TMCO4: variants seen among roughly 807,000 people sequenced by gnomAD.
The protein encoded by TMCO4 is transmembrane and coiled-coil domain-containing protein 4.
Under a neutral mutation model 64.7 loss-of-function variants are expected in TMCO4, and 58 were observed. The ratio of observed to expected loss-of-function variants is 0.90; its 90% CI spans 0.73 to 1.12. The LOEUF (loss-of-function observed/expected upper bound fraction) is 1.12, where lower values mean the gene tolerates loss of function less well. Among genes scored for constraint, TMCO4 ranks in the 50% most tolerant of loss-of-function variants. The probability of loss-of-function intolerance (pLI) is 0.00; values close to 1 mark genes in which losing one functional copy is unlikely to be tolerated. For missense variants in TMCO4, 780 were observed against 825.9 expected, an observed-to-expected ratio of 0.94 and a Z score of 0.68; for synonymous variants, 325 against 346.1, an observed-to-expected ratio of 0.94 and a Z score of 0.68.
chr1:19,687,742 T>C (rs2095160866), intron 15 of TMCO4, among the ~76,000 whole-genome samples: 1 of 152,210 alleles, frequency 6.6e-6, no homozygotes, highest in Non-Finnish European at 1.5e-5. Flanking sequence ...GTGCCAGTGC[T>C]GGGTAGAAAC....
intron 6 of TMCO4, among the ~76,000 whole-genome samples, chr1:19,759,174 C>T (rs2042393667): frequency 6.7e-6 from 1 of 150,124 alleles, no homozygotes; most frequent in Non-Finnish European, 1.5e-5. Context: ...CTGGGCATTG[C>T]TCTTAGTTCT....
chr1:19,738,987 ACAAGGT>A (rs2095467813), intron 12 of TMCO4, among the ~76,000 whole-genome samples: 1 of 152,220 alleles, frequency 6.6e-6, no homozygotes, highest in Non-Finnish European at 1.5e-5. Context: ...CATCTTTGAT[ACAAGGT>A]CAAGACCCCA....
chr1:19,695,629 C>T (rs184997960), intron 14 of TMCO4, among the ~76,000 whole-genome samples: 2 of 152,292 alleles, frequency 1.3e-5, no homozygotes, highest in East Asian at 3.9e-4. Flanking sequence ...TGTCTATGTG[C>T]CCTGCTGTGT....
chr1:19,709,773 C>T (rs1369819244), intron 13 of TMCO4, among the ~76,000 whole-genome samples: 9 of 149,246 alleles, frequency 6.0e-5, no homozygotes, highest in South Asian at 2.1e-4. Context: ...CTCTGGAATT[C>T]TATTTTTTTT....
intron 7 of TMCO4, 65 bp downstream of exon 7, chr1:19,755,569 T>A (rs2042209440): frequency 6.3e-7 from 1 of 1,599,004 alleles, no homozygotes; most frequent in Admixed American, 1.7e-5. Context: ...GGGGACTCTG[T>A]TATCTGCAAA....
At chr1:19,741,883 C>A (rs1170646492) in intron 10 of TMCO4, among the ~76,000 whole-genome samples, 1 of 151,702 alleles carries the variant, frequency 6.6e-6, no homozygotes, top group Non-Finnish European at 1.5e-5. Context: ...ATTACAGGCA[C>A]CCACCACCAA....
At chr1:19,693,024 T>C (rs2095208954) in intron 15 of TMCO4, among the ~76,000 whole-genome samples, 1 of 150,586 alleles carries the variant, frequency 6.6e-6, no homozygotes, top group Non-Finnish European at 1.5e-5. Context: ...CTACAAAAAA[T>C]TAGCTAGATG....
At chr1:19,760,669 TTTC>T (rs1470157269) in intron 6 of TMCO4, among the ~76,000 whole-genome samples, 2 of 152,244 alleles carry the variant, frequency 1.3e-5, no homozygotes, top group African/African-American at 2.4e-5. Context: ...TGACCAGCCA[TTTC>T]TTCTTATCAC....
At chr1:19,694,648 A>C in intron 14 of TMCO4, 97 bp from the exon 15 acceptor site, 1 of 1,122,940 alleles carries the variant, frequency 8.9e-7, no homozygotes, top group Non-Finnish European at 1.3e-6. Flanking sequence ...GCCAGGTGGG[A>C]ATGGAGCTTC....
chr1:19,689,323 A>G (rs1433925090), intron 15 of TMCO4, among the ~76,000 whole-genome samples: 1 of 152,234 alleles, frequency 6.6e-6, no homozygotes, highest in Admixed American at 6.5e-5. Context: ...ATTATTAGGC[A>G]GGAGCTGGGA....
At chr1:19,760,417 TTTTTC>T (rs919119263) in intron 6 of TMCO4, among the ~76,000 whole-genome samples, 37 of 152,286 alleles carry the variant, frequency 2.4e-4, no homozygotes, top group Admixed American at 1.1e-3. Flanking sequence ...TCTCCGTATC[TTTTTC>T]TTTTCTTTTC....
At chr1:19,755,895 G>GA (rs971668985) in intron 6 of TMCO4, 129 bp from the exon 7 acceptor site, 205 of 1,040,722 alleles carry the variant, frequency 2.0e-4, no homozygotes, top group Non-Finnish European at 2.6e-4. Flanking sequence ...GCCAGTCAAT[G>GA]AAAAAAATGA....
chr1:19,733,598 A>G (rs2095439728), intron 13 of TMCO4, among the ~76,000 whole-genome samples: 1 of 152,180 alleles, frequency 6.6e-6, no homozygotes, highest in South Asian at 2.1e-4. Flanking sequence ...TATTTCCAAA[A>G]TAGGGGTGCC....
intron 13 of TMCO4, among the ~76,000 whole-genome samples, chr1:19,701,916 C>T (rs1393297124): frequency 1.3e-5 from 2 of 152,154 alleles, no homozygotes; most frequent in Admixed American, 1.3e-4. Flanking sequence ...ATAAGGATCG[C>T]TTCAGCCCAG....
rs35058157 is a variant in TMCO4, at chr1:19,712,619, CAAAAAA to C, written c.1265-11740_1265-11735del. Among the ~76,000 whole-genome samples the C allele has an allele frequency of 1.8e-3, 165 of 91,614 alleles. 2 individuals are homozygous for C. The highest frequency in any genetic ancestry group is 1.7e-3 in the South Asian group (5 of 2,936). 60.1% of individuals were successfully genotyped at this position (91,614 alleles called of 152,430 possible). A position where few individuals can be genotyped will look rare whatever the true frequency, so the allele number is the denominator to read the frequency against. ...TGGGCAACAGAGCGAGACTCCGTCT[CAAAAAA>C]AAAAAAAAAGAAAAAAGAAAAGGCT... On this transcript the variant is annotated intron_variant, in intron 13 of 15. Transcript: ENST00000294543.
intron 7 of TMCO4, among the ~76,000 whole-genome samples, chr1:19,751,126 C>T (rs2042004884): frequency 6.6e-6 from 1 of 152,234 alleles, no homozygotes; most frequent in Non-Finnish European, 1.5e-5. Flanking sequence ...AACTCCCCAT[C>T]CTCAGCAGCT....
intron 11 of TMCO4, among the ~76,000 whole-genome samples, chr1:19,740,273 C>T (rs972335686): frequency 4.6e-5 from 7 of 152,140 alleles, no homozygotes; most frequent in African/African-American, 1.7e-4. Flanking sequence ...TAGACTCAGC[C>T]ATGTGACTTG....
At position 19,682,784 on chromosome 1, in the gene TMCO4, T is replaced by C. The variant is rs971687260; in HGVS notation, c.*256A>G. 13 of 717,858 alleles carry C rather than the reference T, an allele frequency of 1.8e-5. No individual in the cohort carries two copies. The highest frequency in any genetic ancestry group is 3.1e-5 in the Non-Finnish European group (12 of 386,146). 44.5% of individuals were successfully genotyped at this position (717,858 alleles called of 1,614,324 possible). On this transcript the variant is annotated 3_prime_UTR_variant, in exon 16 of 16. Coordinates refer to ENST00000294543, the MANE Select transcript of TMCO4 (RefSeq NM_181719.7). ...ACTCTAACCTGTGCTTGGTTGACTC[T>C]GCAGGTCTCTGATGAGGGGGCAGCT...
chr1:19,767,121 T>C (rs892729756), intron 6 of TMCO4, among the ~76,000 whole-genome samples: 1 of 152,222 alleles, frequency 6.6e-6, no homozygotes, highest in African/African-American at 2.4e-5. Context: ...CCCTAATTCC[T>C]GAGGGTAAAA....
Sources: allele counts gnomAD v4.1 joint callset (sites outside exome capture counted in the v4.1 genomes callset), GRCh38; gene constraint gnomAD v4.1.1; transcripts MANE v1.5; gene names NCBI Gene and HGNC (gene_info 2026-07-23, HGNC 2026-07-21).